Variants in LUZP2 observed in about 807,000 individuals in gnomAD.
LUZP2 encodes the protein leucine zipper protein 2.
In LUZP2, 52 loss-of-function variants were observed where a neutral mutation model predicts 51.6. The observed-to-expected ratio is 1.01, with a 90% CI of 0.81 to 1.27. The LOEUF is 1.27. Among genes scored for constraint, LUZP2 ranks in the 50% most tolerant of loss-of-function variants. The pLI is 0.00. For synonymous variants in LUZP2, 154 were observed against 137.3 expected, an observed-to-expected ratio of 1.12 and a Z score of -0.85; for missense variants, 436 against 395.4, an observed-to-expected ratio of 1.10 and a Z score of -0.87.
intron 1 of LUZP2, among the ~76,000 whole-genome samples, chr11:24,629,952 TA>T (rs1209716298): frequency 6.6e-6 from 1 of 152,078 alleles, no homozygotes; most frequent in East Asian, 1.9e-4. Context: ...TTAGTGATGT[TA>T]AGTATGTTTT....
intron 1 of LUZP2, among the ~76,000 whole-genome samples, chr11:24,503,460 G>A (rs1306366550): frequency 6.6e-6 from 1 of 152,182 alleles, no homozygotes; most frequent in Admixed American, 6.5e-5. Context: ...GGTCACCCAA[G>A]TAAACAGTGT....
rs561659931 is a variant in LUZP2 at position 24,727,869 on chromosome 11, AT to A, written c.63-1299del. Among the ~76,000 whole-genome samples, 485 of 152,072 alleles carry A rather than the reference AT, an allele frequency of 3.2e-3. 4 individuals are homozygous for A. The highest frequency in any genetic ancestry group is 0.011 in the African/African-American group (468 of 41,520). Reference sequence around the variant, plus strand: ...AAATGAGAAAAAGAAAAAAATTGTAATAGAAGTCTATTCTAGATGAGATGAA... The same window carrying A: ...AAATGAGAAAAAGAAAAAAATTGTAAAGAAGTCTATTCTAGATGAGATGAA... On this transcript the variant is annotated intron_variant, in intron 1 of 11. Coordinates refer to ENST00000336930, the MANE Select transcript of LUZP2 (RefSeq NM_001009909.4).
intron 1 of LUZP2, among the ~76,000 whole-genome samples, chr11:24,664,949 T>G (rs1366107152): frequency 6.6e-6 from 1 of 152,100 alleles, no homozygotes; most frequent in Non-Finnish European, 1.5e-5. Context: ...CACTGCCTGG[T>G]GGAGCTATGA....
At chr11:24,802,224 C>A (rs1226536579) in intron 5 of LUZP2, among the ~76,000 whole-genome samples, 27 of 151,962 alleles carry the variant, frequency 1.8e-4, no homozygotes. Context: ...TTTGTGTGAT[C>A]CAGCCATATG....
intron 1 of LUZP2, among the ~76,000 whole-genome samples, chr11:24,719,730 T>G (rs894282263): frequency 7.9e-5 from 12 of 152,324 alleles, no homozygotes; most frequent in African/African-American, 2.9e-4. Flanking sequence ...GTGACTTGCT[T>G]TGTAACTGAT....
At chr11:25,071,545 T>G (rs916692499) in intron 10 of LUZP2, among the ~76,000 whole-genome samples, 2 of 151,960 alleles carry the variant, frequency 1.3e-5, no homozygotes, top group Non-Finnish European at 2.9e-5. Flanking sequence ...TGAAAAGTCT[T>G]TCTACAAATT....
intron 9 of LUZP2, among the ~76,000 whole-genome samples, chr11:25,036,295 T>C (rs553532371): frequency 6.6e-6 from 1 of 152,224 alleles, no homozygotes; most frequent in Non-Finnish European, 1.5e-5. Context: ...TGTTTTATAT[T>C]TCTGTGGGAT....
At chr11:24,731,045 A>G (rs544654916) in intron 2 of LUZP2, among the ~76,000 whole-genome samples, 8 of 151,852 alleles carry the variant, frequency 5.3e-5, no homozygotes, top group African/African-American at 1.9e-4. Flanking sequence ...CTACTGTTTC[A>G]TATAAATAAG....
intron 1 of LUZP2, among the ~76,000 whole-genome samples, chr11:24,608,072 A>G (rs1469242640): frequency 6.6e-6 from 1 of 151,994 alleles, no homozygotes; most frequent in Non-Finnish European, 1.5e-5. Flanking sequence ...GAAGGTCTCG[A>G]TCTCCTGACC....
chr11:24,948,824 C>CATCTATCT (rs67058181), intron 7 of LUZP2, among the ~76,000 whole-genome samples: 117 of 122,650 alleles, frequency 9.5e-4, no homozygotes, highest in African/African-American at 2.6e-3. Flanking sequence ...ATCTATCTAT[C>CATCTATCT]ATCTATCTAT....
intron 1 of LUZP2, among the ~76,000 whole-genome samples, chr11:24,689,383 A>G (rs1244874653): frequency 4.6e-5 from 7 of 152,142 alleles, no homozygotes; most frequent in Non-Finnish European, 2.9e-5. Context: ...TTCTCAGAGA[A>G]GGGTCCTATA....
intron 9 of LUZP2, among the ~76,000 whole-genome samples, chr11:25,045,929 A>C (rs1408934257): frequency 6.6e-6 from 1 of 152,216 alleles, no homozygotes; most frequent in East Asian, 1.9e-4. Flanking sequence ...TCATAGTATT[A>C]GCAAGAAGAT....
At chr11:24,819,199 G>A (rs1446792489) in intron 5 of LUZP2, among the ~76,000 whole-genome samples, 1 of 151,994 alleles carries the variant, frequency 6.6e-6, no homozygotes, top group African/African-American at 2.4e-5. Flanking sequence ...AGCGTGTTTG[G>A]AAAATTGCAA....
chr11:25,041,920 G>C (rs148972063), intron 9 of LUZP2, among the ~76,000 whole-genome samples: 1 of 152,152 alleles, frequency 6.6e-6, no homozygotes, highest in East Asian at 1.9e-4. Context: ...TGTGAACTGC[G>C]TGTGCGAGGG....
chr11:24,767,100 A>G (rs1860220921), intron 5 of LUZP2, among the ~76,000 whole-genome samples: 1 of 151,862 alleles, frequency 6.6e-6, no homozygotes, highest in African/African-American at 2.4e-5. Flanking sequence ...TTTATTTTTT[A>G]TGTTCTGGTA....
chr11:24,875,504 G>T (rs948664663), intron 5 of LUZP2, among the ~76,000 whole-genome samples: 1 of 140,884 alleles, frequency 7.1e-6, no homozygotes, highest in African/African-American at 2.6e-5. Context: ...GTCTATCATT[G>T]TTGGACATTT....
chr11:24,742,665 G>C (rs974537337), intron 4 of LUZP2, among the ~76,000 whole-genome samples: 1 of 151,976 alleles, frequency 6.6e-6, no homozygotes, highest in African/African-American at 2.4e-5. Context: ...TCTGCTGACT[G>C]TTCCTTTTGC....
At chr11:25,011,772 TA>T (rs1856991775) in intron 9 of LUZP2, among the ~76,000 whole-genome samples, 1 of 152,108 alleles carries the variant, frequency 6.6e-6, no homozygotes, top group Admixed American at 6.6e-5. Flanking sequence ...ATAGATTGTG[TA>T]ATGATCAAGT....
chr11:24,654,282 A>C (rs1171537631), intron 1 of LUZP2, among the ~76,000 whole-genome samples: 1 of 152,172 alleles, frequency 6.6e-6, no homozygotes, highest in Non-Finnish European at 1.5e-5. Flanking sequence ...ATAATTTCAT[A>C]TTTTGCACTA....
Sources: gnomAD v4.1 joint callset for allele counts (sites outside exome capture counted in the v4.1 genomes callset) on GRCh38, gnomAD v4.1.1 for gene constraint, MANE v1.5 for transcripts, NCBI Gene and HGNC (gene_info 2026-07-23, HGNC 2026-07-21) for gene names.